GDAP1: variants seen among roughly 807,000 people sequenced by gnomAD.
The protein encoded by GDAP1 is ganglioside-induced differentiation-associated protein 1.
A neutral mutation model predicts 40.1 loss-of-function variants in GDAP1; 34 were observed. That is an observed-to-expected ratio of 0.85 (90% CI 0.64 to 1.13). The LOEUF (loss-of-function observed/expected upper bound fraction) is 1.13. Among genes scored for constraint, GDAP1 ranks in the 50% most tolerant of loss-of-function variants. The pLI is 0.00. For synonymous variants in GDAP1, 170 were observed against 157.4 expected (o/e 1.08, Z -0.60); for missense variants, 374 against 433.7 (o/e 0.86, Z 1.22).
intron 2 of GDAP1, among the ~76,000 whole-genome samples, chr8:74,434,712 G>A (rs1806067923): frequency 6.6e-6 from 1 of 152,104 alleles, no homozygotes; most frequent in South Asian, 2.1e-4. Context: ...TTCACAAATT[G>A]CTCTTTTTAT....
intron 2 of GDAP1, among the ~76,000 whole-genome samples, chr8:74,444,216 A>G (rs1806202634): frequency 1.5e-5 from 1 of 66,752 alleles, no homozygotes; most frequent in South Asian, 3.5e-4. Flanking sequence ...ACACGCGCGC[A>G]CACACACACA....
chr8:74,433,817 C>T (rs1019065972), intron 2 of GDAP1, among the ~76,000 whole-genome samples: 6 of 152,154 alleles, frequency 3.9e-5, no homozygotes, highest in Admixed American at 1.3e-4. Context: ...GTCAGCCACA[C>T]AGGATGTATG....
chr8:74,439,862 T>C (rs16938907), intron 2 of GDAP1, among the ~76,000 whole-genome samples: 36,303 of 151,938 alleles, frequency 0.24, 4,766 homozygotes, highest in Admixed American at 0.33. Flanking sequence ...AGCTCTCTAA[T>C]GCTTTTTAGT....
At chr8:74,405,775 G>T (rs917099174) in intron 2 of GDAP1, among the ~76,000 whole-genome samples, 1 of 149,966 alleles carries the variant, frequency 6.7e-6, no homozygotes, top group Non-Finnish European at 1.5e-5. Flanking sequence ...TGAGCAAGGG[G>T]AGATATTGAG....
chr8:74,350,503 G>A lies in GDAP1; in HGVS notation c.42G>A (p.Leu14=). ...RQEEQRGSPP[L]RAEGKADAEV... Reference sequence around the variant, plus strand: ...AAGAGCAGAGAGGGAGCCCGCCCTTGAGGGCGGAAGGCAAGGCCGACGCGG... The same window carrying A: ...AAGAGCAGAGAGGGAGCCCGCCCTTAAGGGCGGAAGGCAAGGCCGACGCGG... The change falls in exon 1 of 6, where the codon TTG becomes TTA. Residue 14 remains leucine, a synonymous_variant. Transcript: ENST00000220822. 1.2e-6 allele frequency: 2 copies of A among 1,613,168 alleles called. No individual in the cohort carries two copies. The highest frequency in any genetic ancestry group is 1.7e-6 in the Non-Finnish European group (2 of 1,179,216).
At chr8:74,488,807 T>G (rs1181433781) in exon 3 of GDAP1, 1 of 152,194 alleles carries the variant, frequency 6.6e-6, no homozygotes, top group African/African-American at 2.4e-5. Context: ...CAGTTGGGTT[T>G]ATTTCAGCAA....
At chr8:74,406,745 C>T (rs753962429) in intron 2 of GDAP1, among the ~76,000 whole-genome samples, 12 of 150,000 alleles carry the variant, frequency 8.0e-5, no homozygotes, top group Non-Finnish European at 1.8e-4. Flanking sequence ...CCACTTCATT[C>T]TTTACATCTA....
chr8:74,469,720 A>G (rs1306435929), intron 2 of GDAP1, among the ~76,000 whole-genome samples: 1 of 151,082 alleles, frequency 6.6e-6, no homozygotes, highest in Non-Finnish European at 1.5e-5. Flanking sequence ...TCATGCTTGT[A>G]ATCCCAGCAC....
chr8:74,482,372 T>G (rs1806723714), intron 2 of GDAP1, among the ~76,000 whole-genome samples: 1 of 152,186 alleles, frequency 6.6e-6, no homozygotes, highest in Non-Finnish European at 1.5e-5. Context: ...CTCTACTTCC[T>G]CTTCTGATCT....
At chr8:74,395,669 A>G (rs1437917562) in intron 2 of GDAP1, among the ~76,000 whole-genome samples, 1 of 152,206 alleles carries the variant, frequency 6.6e-6, no homozygotes, top group African/African-American at 2.4e-5. Flanking sequence ...AATGCTGTGG[A>G]AAACTCTAAC....
chr8:74,385,353 G>A (rs62524086), intron 2 of GDAP1, among the ~76,000 whole-genome samples: 36,902 of 151,682 alleles, frequency 0.24, 5,307 homozygotes, highest in Non-Finnish European at 0.32. Context: ...AACAGGCCCC[G>A]GTGTGTGATG....
chr8:74,391,962 G>A (rs1471216163), intron 2 of GDAP1, among the ~76,000 whole-genome samples: 1 of 152,030 alleles, frequency 6.6e-6, no homozygotes, highest in Non-Finnish European at 1.5e-5. Flanking sequence ...GGGATTACAG[G>A]CATGCACCAC....
chr8:74,405,231 C>T (rs1805621604), intron 2 of GDAP1, among the ~76,000 whole-genome samples: 1 of 149,840 alleles, frequency 6.7e-6, no homozygotes, highest in Admixed American at 6.6e-5. Flanking sequence ...AGAGTTATCA[C>T]TACCACAATA....
At position 74,363,106 on chromosome 8, in the gene GDAP1, G is replaced by T. The variant is rs546886921; in HGVS notation, c.694+53G>T. On this transcript the variant is annotated intron_variant, in intron 5 of 5. Transcript: ENST00000220822. Reference sequence around the variant, plus strand: ...CTTTTCAACATCAGTATTATTCATGGGAACATTCTTAGGTCTCACCAAAAA... The same window carrying T: ...CTTTTCAACATCAGTATTATTCATGTGAACATTCTTAGGTCTCACCAAAAA... The T allele has an allele frequency of 7.4e-4, 644 of 870,864 alleles. 2 individuals are homozygous for T. Among genetic ancestry groups the T allele is most frequent in the Middle Eastern group, 3.3e-3 (15 of 4,610 alleles). 53.9% of individuals were successfully genotyped at this position (870,864 alleles called of 1,614,324 possible). A position where few individuals can be genotyped will look rare whatever the true frequency, so the allele number is the denominator to read the frequency against.
intron 2 of GDAP1, among the ~76,000 whole-genome samples, chr8:74,477,464 T>C (rs892922855): frequency 7.9e-5 from 10 of 126,968 alleles, no homozygotes; most frequent in African/African-American, 3.6e-4. Flanking sequence ...CTTTGGATGG[T>C]TTTTTTTTTT....
intron 2 of GDAP1, among the ~76,000 whole-genome samples, chr8:74,471,455 T>A (rs75669492): frequency 0.028 from 3,823 of 138,954 alleles, 64 homozygotes; most frequent in African/African-American, 0.045. Context: ...CCTTTTTTTT[T>A]TAAAAAAAAT....
At chr8:74,434,172 G>A (rs146948303) in intron 2 of GDAP1, among the ~76,000 whole-genome samples, 1 of 152,240 alleles carries the variant, frequency 6.6e-6, no homozygotes, top group African/African-American at 2.4e-5. Flanking sequence ...GAACCCACTG[G>A]GGTTCCCACT....
intron 2 of GDAP1, among the ~76,000 whole-genome samples, chr8:74,419,893 G>A (rs949470318): frequency 1.3e-5 from 2 of 152,084 alleles, no homozygotes; most frequent in African/African-American, 4.8e-5. Context: ...CAGTTTCTCA[G>A]CACCATTTGT....
At chr8:74,450,361 A>G (rs74434169) in intron 2 of GDAP1, among the ~76,000 whole-genome samples, 46,204 of 151,612 alleles carry the variant, frequency 0.3, 8,230 homozygotes, top group Non-Finnish European at 0.38. Context: ...AAGATCATTT[A>G]TAGTATTGTT....
Sources: gnomAD v4.1 joint callset for allele counts (sites outside exome capture counted in the v4.1 genomes callset) on GRCh38, gnomAD v4.1.1 for gene constraint, MANE v1.5 for transcripts, NCBI Gene and HGNC (gene_info 2026-07-23, HGNC 2026-07-21) for gene names.